RAB25: variants seen among roughly 807,000 people sequenced by gnomAD.
RAB25 encodes the protein RAB25, member RAS oncogene family.
Under a neutral mutation model 25.2 loss-of-function variants are expected in RAB25, and 23 were observed. That is an observed-to-expected ratio of 0.91 (90% CI 0.66 to 1.29). The LOEUF (loss-of-function observed/expected upper bound fraction) is 1.29, where lower values mean the gene tolerates loss of function less well. Among genes scored for constraint, RAB25 ranks in the 50% most tolerant of loss-of-function variants. The pLI is 0.00. For missense variants in RAB25, 244 were observed against 277.3 expected (o/e 0.88, Z 0.85); for synonymous variants, 102 against 111.5 (o/e 0.91, Z 0.54).
intron 4 of RAB25, 118 bp downstream of exon 4, chr1:156,069,869 C>A: frequency 1.0e-6 from 1 of 980,816 alleles, no homozygotes; most frequent in East Asian, 2.4e-5. Context: ...TCTGTGGGTC[C>A]TGGCACCACT....
chr1:156,066,547 T>C (rs1558097690), intron 2 of RAB25, among the ~76,000 whole-genome samples: 1 of 152,266 alleles, frequency 6.6e-6, no homozygotes, highest in East Asian at 1.9e-4. Context: ...TTGGCAACTT[T>C]CATCTAACCA....
chr1:156,064,908 T>C (rs1225542121), intron 1 of RAB25, among the ~76,000 whole-genome samples: 2 of 152,214 alleles, frequency 1.3e-5, no homozygotes, highest in African/African-American at 2.4e-5. Context: ...TGGCCTCCTC[T>C]AATTCTGTGT....
In RAB25 at chr1:156,068,453, A is replaced by G. The variant is rs1647815452; in HGVS notation, c.423A>G (p.Arg141=). 6.2e-7 allele frequency: 1 copy of G among 1,612,712 alleles called. No individual in the cohort carries two copies. Among genetic ancestry groups the G allele is most frequent in the Non-Finnish European group, 8.5e-7 (1 of 1,179,574 alleles). ...QAREVPTEEA[R]MFAENNGLLF... is the part of the protein sequence containing the mutation. ...GGGAAGTGCCCACTGAGGAGGCCCGAATGTTCGCTGGTGAGAGCCTGCCAC... is the reference window on the plus strand; with the variant it reads ...GGGAAGTGCCCACTGAGGAGGCCCGGATGTTCGCTGGTGAGAGCCTGCCAC... The change falls in exon 3 of 5, where the codon CGA becomes CGG. Residue 141 remains arginine (R), a synonymous_variant. Coordinates refer to ENST00000361084, the MANE Select transcript of RAB25 (RefSeq NM_020387.4).
In RAB25 at chr1:156,070,233, G is replaced by C; in HGVS notation, c.588G>C (p.Gln196His). The C allele has an allele frequency of 6.2e-7, 1 of 1,614,138 alleles. No homozygotes were observed. Among genetic ancestry groups the C allele is most frequent in the Non-Finnish European group, 8.5e-7 (1 of 1,180,014 alleles). The change falls in exon 5 of 5, where the codon CAG becomes CAC. Residue 196 changes from glutamine (Q) to histidine (H), a missense_variant. Transcript: ENST00000361084. ...RTNAITLGSA[Q>H]AGQEPGPGEK... The stretch of plus-strand genomic sequence containing the variant: ...ATGCCATCACTCTGGGCAGTGCCCA[G>C]GCTGGACAGGAGCCTGGCCCTGGGG...
chr1:156,065,925 G>A lies in RAB25; in HGVS notation c.58G>A (p.Glu20Lys), dbSNP rs187413267. The A allele has an allele frequency of 3.2e-5, 52 of 1,602,166 alleles. No homozygotes were observed. Among genetic ancestry groups the A allele is most frequent in the Admixed American group, 1.7e-4 (10 of 59,640 alleles). Residue 20 changes from glutamate to lysine, a missense_variant, in exon 2 of 5, where the codon GAA becomes AAA. Physicochemically the swap from Glu to Lys is moderately conservative, Grantham distance 56. Transcript: ENST00000361084. ...NFVFKVVLIG[E>K]SGVGKTNLLS... ...CACTCCTTCAGTGGTGCTGATCGGC[G>A]AATCAGGTGTGGGGAAGACCAATCT...
At chr1:156,066,221 G>A (rs1647743925) in intron 2 of RAB25, 115 bp downstream of exon 2, 1 of 899,006 alleles carries the variant, frequency 1.1e-6, no homozygotes, top group Non-Finnish European at 1.6e-6. Context: ...TGGGCTCTGG[G>A]GGGTGGGGAT....
chr1:156,065,352 C>A (rs1173577718), intron 1 of RAB25, among the ~76,000 whole-genome samples: 2 of 152,204 alleles, frequency 1.3e-5, no homozygotes, highest in East Asian at 1.9e-4. Context: ...TTCTTACACA[C>A]ACATGAGCAC....
At chr1:156,069,891 T>G in intron 4 of RAB25, 140 bp downstream of exon 4, 1 of 895,448 alleles carries the variant, frequency 1.1e-6, no homozygotes, top group Non-Finnish European at 1.8e-6. Flanking sequence ...CCTGTCCCCC[T>G]CAGTCCCTCC....
intron 3 of RAB25, among the ~76,000 whole-genome samples, chr1:156,069,438 C>A (rs1647841773): frequency 6.6e-6 from 1 of 152,188 alleles, no homozygotes; most frequent in African/African-American, 2.4e-5. Context: ...CTCAGCCTCC[C>A]AAAGTGCTGG....
rs563094197 is a variant in RAB25 at position 156,061,483 on chromosome 1, C to G, written c.43+40C>G. 3.9e-5 allele frequency: 62 copies of G among 1,600,006 alleles called. 1 individual carries two copies. In the South Asian group the frequency reaches 6.3e-4, roughly 16 times the overall value. On this transcript the variant is annotated intron_variant, in intron 1 of 4. Transcript: ENST00000361084. ...CTGAAGCAAGAGGAAGCCTGAGAGA[C>G]CCAGAAAGAGATTGAATAGAGCCAG...
intron 2 of RAB25, among the ~76,000 whole-genome samples, chr1:156,066,943 A>C (rs1214508876): frequency 4.6e-5 from 7 of 151,304 alleles, no homozygotes; most frequent in Non-Finnish European, 2.9e-5. Flanking sequence ...GTGTCTCAAG[A>C]AAAAAGTGTC....
At chr1:156,062,284 G>A (rs1175262979) in intron 1 of RAB25, among the ~76,000 whole-genome samples, 6 of 152,120 alleles carry the variant, frequency 3.9e-5, no homozygotes, top group Admixed American at 1.3e-4. Flanking sequence ...TTGTAGCCTC[G>A]TCTGCCTGGC....
In RAB25 at chr1:156,070,438, C is replaced by A; in HGVS notation, c.*151C>A. The A allele has an allele frequency of 1.0e-6, 1 of 989,924 alleles. No homozygotes were observed. Among genetic ancestry groups the A allele is most frequent in the Non-Finnish European group, 1.5e-6 (1 of 680,754 alleles). 61.3% of individuals were successfully genotyped at this position (989,924 alleles called of 1,614,324 possible). A position where few individuals can be genotyped will look rare whatever the true frequency, so the allele number is the denominator to read the frequency against. On this transcript the variant is annotated 3_prime_UTR_variant, in exon 5 of 5. Coordinates refer to ENST00000361084, the MANE Select transcript of RAB25 (RefSeq NM_020387.4). ...GTCTTAAGGTCTTCATGCCCTATCA[C>A]AAATACCTCTTTTATCTGTCCACCC...
chr1:156,069,808 G>A (rs1439655375), intron 4 of RAB25, 57 bp downstream of exon 4: 2 of 1,447,164 alleles, frequency 1.4e-6, no homozygotes, highest in African/African-American at 1.4e-5. Context: ...TCTACAGGCA[G>A]CAGTAGGAAT....
rs1647872383 is a variant in RAB25 at position 156,070,355 on chromosome 1, C to A, written c.*68C>A. 2 of 1,568,274 alleles carry A rather than the reference C, an allele frequency of 1.3e-6. No individual in the cohort carries two copies. Among genetic ancestry groups the A allele is most frequent in the Admixed American group, 1.8e-5 (1 of 54,598 alleles). On this transcript the variant is annotated 3_prime_UTR_variant, in exon 5 of 5. Transcript: ENST00000361084. ...CTTGTCCCCACTTCAGCCCCAGGAC[C>A]TTTCCTTGCCCTTTGGTTCCAGATA...
intron 1 of RAB25, among the ~76,000 whole-genome samples, chr1:156,065,556 C>G (rs1042897544): frequency 1.3e-5 from 2 of 152,176 alleles, no homozygotes; most frequent in African/African-American, 4.8e-5. Flanking sequence ...CACCCCCTGA[C>G]CTCCCACCAT....
chr1:156,062,367 T>A (rs1647611584), intron 1 of RAB25, among the ~76,000 whole-genome samples: 1 of 152,110 alleles, frequency 6.6e-6, no homozygotes, highest in Admixed American at 6.6e-5. Context: ...CATGCATGTA[T>A]CTTTCTAGCC....
chr1:156,068,053 G>A (rs944128534), intron 2 of RAB25, among the ~76,000 whole-genome samples: 1 of 152,058 alleles, frequency 6.6e-6, no homozygotes, highest in South Asian at 2.1e-4. Flanking sequence ...GCGCCTGGCC[G>A]AGGGAGGTGA....
At chr1:156,066,663 G>T (rs1410127195) in intron 2 of RAB25, among the ~76,000 whole-genome samples, 2 of 152,216 alleles carry the variant, frequency 1.3e-5, no homozygotes, top group African/African-American at 4.8e-5. Flanking sequence ...CTTAGGCCGG[G>T]TGTGTTGGCT....
Sources: allele counts gnomAD v4.1 joint callset (sites outside exome capture counted in the v4.1 genomes callset), GRCh38; gene constraint gnomAD v4.1.1; transcripts MANE v1.5; gene names NCBI Gene and HGNC (gene_info 2026-07-23, HGNC 2026-07-21).